TUBGCP5: variants seen among roughly 807,000 people sequenced by gnomAD.
TUBGCP5 encodes tubulin gamma complex component 5.
In TUBGCP5, 98 loss-of-function variants were observed where a neutral mutation model predicts 134.7. The ratio of observed to expected loss-of-function variants is 0.73; its 90% CI spans 0.62 to 0.86. The LOEUF is 0.86. TUBGCP5 is among the 40% of genes least tolerant of loss of function. The pLI, the probability that TUBGCP5 is intolerant of heterozygous loss-of-function variation, is 0.00. For synonymous variants in TUBGCP5, 456 were observed against 431.4 expected, an observed-to-expected ratio of 1.06 and a Z score of -0.71; for missense variants, 1,150 against 1,244.8, an observed-to-expected ratio of 0.92 and a Z score of 1.15.
In TUBGCP5 at chr15:22,987,925, A is replaced by G. The variant is rs917529004; in HGVS notation, c.*62-4314T>C. Among the ~76,000 whole-genome samples the G allele has an allele frequency of 1.7e-4, 25 of 144,156 alleles. 1 individual carries two copies. The highest frequency in any genetic ancestry group is 6.5e-4 in the African/African-American group (25 of 38,604). The allele number at this position is 144,156 out of a possible 152,430, so 94.6% of individuals were successfully genotyped here. ...AAAAAAAAAAAAAAAAAAAAAAAAG[A>G]CACCCCAGAGAACAGCCTTGTCCTT... is the stretch of plus-strand genomic sequence containing the variant. On this transcript the variant is annotated intron_variant and NMD_transcript_variant, in intron 23 of 23. Transcript: ENST00000614508.
chr15:23,002,898 T>TA (rs766536046), intron 21 of TUBGCP5, among the ~76,000 whole-genome samples, 167 bp downstream of exon 21: 4 of 151,824 alleles, frequency 2.6e-5, no homozygotes, highest in East Asian at 1.9e-4. Context: ...TTTTTTTTTT[T>TA]AAAGACTGGG....
chr15:22,991,423 C>T (rs759745437), intron 23 of TUBGCP5, among the ~76,000 whole-genome samples: 5 of 152,168 alleles, frequency 3.3e-5, no homozygotes, highest in Non-Finnish European at 7.3e-5. Context: ...CTTAATGATG[C>T]CATGAATTGA....
At chr15:22,994,929 C>T (rs1038842837), downstream of TUBGCP5, among the ~76,000 whole-genome samples, 1 of 152,018 alleles carries the variant, frequency 6.6e-6, no homozygotes, top group Non-Finnish European at 1.5e-5. Context: ...CCCTGGGCAA[C>T]ATAGCGAGAC....
intron 3 of TUBGCP5, among the ~76,000 whole-genome samples, chr15:23,036,260 G>A (rs994537001): frequency 6.6e-6 from 1 of 152,096 alleles, no homozygotes; most frequent in African/African-American, 2.4e-5. Flanking sequence ...AGTGGCCCTG[G>A]GGGGAGTGGA....
At chr15:22,987,237 G>C (rs989026555) in intron 23 of TUBGCP5, among the ~76,000 whole-genome samples, 5 of 151,850 alleles carry the variant, frequency 3.3e-5, no homozygotes, top group African/African-American at 1.2e-4. Flanking sequence ...GGGAGGCTGA[G>C]GCAGGAGAAT....
Position 23,019,281 on chromosome 15 carries a change from C to T in TUBGCP5, c.1425G>A (p.Thr475=), listed in dbSNP as rs1434075320. The T allele has an allele frequency of 5.6e-6, 9 of 1,613,916 alleles. No individual in the cohort carries two copies. Among genetic ancestry groups the T allele is most frequent in the African/African-American group, 1.3e-5 (1 of 74,894 alleles). The change falls in exon 12 of 23, where the codon ACG becomes ACA. Residue 475 remains threonine, a synonymous_variant. Coordinates refer to ENST00000615383, the MANE Select transcript of TUBGCP5 (RefSeq NM_052903.6). ...GCCCGTGCACGATCCACTCGTCCAC[C>T]GTCTGCAGGTAAGGCCGCACCGTTT... is the stretch of plus-strand genomic sequence containing the variant. ...WVETVRPYLQ[T]VDEWIVHGHL...
At chr15:23,025,253 T>G (rs2065920386) in intron 8 of TUBGCP5, among the ~76,000 whole-genome samples, 1 of 152,084 alleles carries the variant, frequency 6.6e-6, no homozygotes, top group African/African-American at 2.4e-5. Context: ...GGTCAGATAA[T>G]AAGAAAATGG....
chr15:23,012,014 G>C (rs1238776507), intron 13 of TUBGCP5, among the ~76,000 whole-genome samples: 1 of 150,958 alleles, frequency 6.6e-6, no homozygotes, highest in East Asian at 2.0e-4. Context: ...GGAGGCTGAG[G>C]CACGAGAACT....
chr15:23,018,963 T>C (rs1162928559), intron 12 of TUBGCP5, among the ~76,000 whole-genome samples: 1 of 152,190 alleles, frequency 6.6e-6, no homozygotes, highest in Non-Finnish European at 1.5e-5. Flanking sequence ...GCCATAAATA[T>C]ACTACCATCC....
At chr15:22,985,913 C>A (rs983554531) in intron 23 of TUBGCP5, among the ~76,000 whole-genome samples, 1 of 151,504 alleles carries the variant, frequency 6.6e-6, no homozygotes, top group African/African-American at 2.4e-5. Flanking sequence ...ATGGGCGGAT[C>A]ACAAGGTCAG....
downstream of TUBGCP5, among the ~76,000 whole-genome samples, chr15:22,994,892 G>A (rs977293701): frequency 6.6e-6 from 1 of 152,030 alleles, no homozygotes. Flanking sequence ...GTGCAGGATT[G>A]TGCTTGAGCT....
intron 13 of TUBGCP5, among the ~76,000 whole-genome samples, chr15:23,014,314 G>A (rs2065198043): frequency 6.6e-6 from 1 of 152,202 alleles, no homozygotes; most frequent in South Asian, 2.1e-4. Flanking sequence ...CATGTACCTA[G>A]GCTTCTTGAG....
intron 13 of TUBGCP5, among the ~76,000 whole-genome samples, chr15:23,015,004 C>T (rs2065233775): frequency 6.6e-6 from 1 of 152,144 alleles, no homozygotes; most frequent in South Asian, 2.1e-4. Context: ...CAGACCCCAC[C>T]TTGGCCAAAC....
chr15:22,984,576 T>C (rs34548385), intron 23 of TUBGCP5, among the ~76,000 whole-genome samples: 30,662 of 151,890 alleles, frequency 0.2, 3,225 homozygotes, highest in African/African-American at 0.24. Context: ...GCTGAGATCA[T>C]GCCACTGCAC....
rs1432048816 is a variant in TUBGCP5 at position 23,016,967 on chromosome 15, G to GATATATATATATATATATAT, written c.1756+805_1756+806insATATATATATATATATATAT. On this transcript the variant is annotated intron_variant, in intron 13 of 22. Transcript: ENST00000615383. ...ACAGATGAATGGGTAAAAAAATTGT[G>GATATATATATATATATATAT]AGATATATATATATATATATGTATA... Among the ~76,000 whole-genome samples the GATATATATATATATATATAT allele has an allele frequency of 5.4e-4, 33 of 60,890 alleles. 1 individual carries two copies. In the South Asian group the frequency reaches 6.4e-3, roughly 12 times the overall value. The allele number at this position is 60,890 out of a possible 152,430, so 39.9% of individuals were successfully genotyped here. A position where few individuals can be genotyped will look rare whatever the true frequency, so the allele number is the denominator to read the frequency against.
At chr15:23,019,115 G>A (rs2065507745) in intron 12 of TUBGCP5, 104 bp downstream of exon 12, 5 of 757,824 alleles carry the variant, frequency 6.6e-6, no homozygotes, top group Middle Eastern at 2.9e-4. Context: ...GATGTGAACT[G>A]TGCTTTCTCA....
chr15:23,012,158 T>C (rs977990754), intron 13 of TUBGCP5, among the ~76,000 whole-genome samples: 1 of 149,966 alleles, frequency 6.7e-6, no homozygotes, highest in African/African-American at 2.5e-5. Context: ...ATCAGCACAC[T>C]TGAAATTTAT....
chr15:23,010,462 T>G (rs572800150), intron 14 of TUBGCP5, among the ~76,000 whole-genome samples: 13 of 152,268 alleles, frequency 8.5e-5, no homozygotes, highest in African/African-American at 3.1e-4. Context: ...CCAGGACATA[T>G]TATATGCCAG....
At chr15:22,993,880 C>G (rs1444224413) in intron 23 of TUBGCP5, among the ~76,000 whole-genome samples, 1 of 151,802 alleles carries the variant, frequency 6.6e-6, no homozygotes, top group African/African-American at 2.4e-5. Context: ...GCGGTTTCAC[C>G]ACGTTGGCCA....
Sources: gnomAD v4.1 joint callset for allele counts (sites outside exome capture counted in the v4.1 genomes callset) on GRCh38, gnomAD v4.1.1 for gene constraint, MANE v1.5 for transcripts, NCBI Gene and HGNC (gene_info 2026-07-23, HGNC 2026-07-21) for gene names.